ALDH5A1: variants seen among roughly 807,000 people sequenced by gnomAD.
The protein encoded by ALDH5A1 is aldehyde dehydrogenase 5 family member A1.
A neutral mutation model predicts 54.7 loss-of-function variants in ALDH5A1; 33 were observed. The observed-to-expected ratio is 0.60, with a 90% CI of 0.46 to 0.81. ALDH5A1 has a LOEUF of 0.81. Among genes scored for constraint, ALDH5A1 ranks in the 30% least tolerant of loss-of-function variants. The pLI is 0.00. For missense variants in ALDH5A1, 657 were observed against 711.0 expected, an observed-to-expected ratio of 0.92 and a Z score of 0.86; for synonymous variants, 294 against 292.7, an observed-to-expected ratio of 1.00 and a Z score of -0.05.
At chr6:24,530,288 G>A (rs554937197) in intron 8 of ALDH5A1, among the ~76,000 whole-genome samples, 62 of 151,858 alleles carry the variant, frequency 4.1e-4, no homozygotes, top group African/African-American at 1.5e-3. Flanking sequence ...GATATCTCCA[G>A]TGGGTTCTTC....
intron 7 of ALDH5A1, 52 bp downstream of exon 7, chr6:24,522,977 A>G: frequency 6.3e-7 from 1 of 1,575,284 alleles, no homozygotes; most frequent in Non-Finnish European, 8.6e-7. Context: ...TCAATATGAA[A>G]AGCTTAATCA....
chr6:24,522,478 CGTGTGTGT>C (rs5874989), intron 6 of ALDH5A1, among the ~76,000 whole-genome samples: 5 of 134,610 alleles, frequency 3.7e-5, no homozygotes, highest in South Asian at 2.6e-4. Flanking sequence ...TCTTTTCTTT[CGTGTGTGT>C]GTGTGTGTGT....
At chr6:24,523,001 T>C in intron 7 of ALDH5A1, 76 bp downstream of exon 7, 1 of 690,388 alleles carries the variant, frequency 1.4e-6, no homozygotes, top group South Asian at 1.6e-5. Flanking sequence ...AAAAACACTT[T>C]GGCTGGAGGG....
chr6:24,504,378 A>C (rs1411845931), intron 3 of ALDH5A1, among the ~76,000 whole-genome samples: 1 of 152,240 alleles, frequency 6.6e-6, no homozygotes, highest in East Asian at 1.9e-4. Context: ...AGGAATAATA[A>C]ATCATCTGCC....
chr6:24,507,152 T>C lies in ALDH5A1; in HGVS notation c.726+2167T>C, dbSNP rs1007354038. ...AGTTGAACAAGCAGTTGTATGTTTA[T>C]GCTTACCACCAGTGCTTATGTTAAT... On this transcript the variant is annotated intron_variant, in intron 4 of 9. Transcript: ENST00000357578. Among the ~76,000 whole-genome samples, 4 of 152,240 alleles carry C rather than the reference T, an allele frequency of 2.6e-5. No homozygotes were observed. In the East Asian group the frequency reaches 7.7e-4, roughly 29 times the overall value.
chr6:24,505,915 C>T (rs1192113742), intron 4 of ALDH5A1, among the ~76,000 whole-genome samples: 1 of 145,570 alleles, frequency 6.9e-6, no homozygotes, highest in Non-Finnish European at 1.5e-5. Context: ...TTGCAGTGAG[C>T]CGAGATGGTG....
chr6:24,499,415 C>T (rs186828881), intron 1 of ALDH5A1, among the ~76,000 whole-genome samples: 36 of 152,120 alleles, frequency 2.4e-4, no homozygotes, highest in African/African-American at 8.7e-4. Flanking sequence ...ATTCTCTAGG[C>T]CTTCCTCATT....
At chr6:24,513,714 T>C (rs978304582) in intron 4 of ALDH5A1, among the ~76,000 whole-genome samples, 2 of 144,254 alleles carry the variant, frequency 1.4e-5, no homozygotes, top group South Asian at 2.7e-4. Context: ...CTACTATTGA[T>C]AGGGCAAGGC....
chr6:24,498,901 C>T (rs186412032), intron 1 of ALDH5A1, among the ~76,000 whole-genome samples: 27 of 152,144 alleles, frequency 1.8e-4, no homozygotes, highest in African/African-American at 3.9e-4. Flanking sequence ...GAGTTCAAGT[C>T]CAGCCTGGCC....
Position 24,502,451 on chromosome 6 carries a change from T to C in ALDH5A1, c.355-72T>C, listed in dbSNP as rs112207648. 8,525 of 1,158,684 alleles carry C rather than the reference T, an allele frequency of 7.4e-3. 143 individuals are homozygous for C. The highest frequency in any genetic ancestry group is 0.06 in the African/African-American group (3,952 of 65,978). The allele number at this position is 1,158,684 out of a possible 1,614,324, so 71.8% of individuals were successfully genotyped here. On this transcript the variant is annotated intron_variant, in intron 1 of 9. Coordinates refer to ENST00000357578, the MANE Select transcript of ALDH5A1 (RefSeq NM_001080.3). ...ACCATACAGCTAATATTTTAGGATA[T>C]TGAATTTTATTTAGCATTCTGTCTT...
chr6:24,527,740 G>A lies in ALDH5A1; in HGVS notation c.1174-257G>A, dbSNP rs114333563. Among the ~76,000 whole-genome samples the A allele has an allele frequency of 7.0e-3, 1,070 of 152,268 alleles. 19 individuals carry two copies. Among genetic ancestry groups the A allele is most frequent in the African/African-American group, 0.023 (960 of 41,552 alleles). On this transcript the variant is annotated intron_variant, in intron 7 of 9. Coordinates refer to ENST00000357578, the MANE Select transcript of ALDH5A1 (RefSeq NM_001080.3). ...CTGAGCCGCAGGCCTAGAAAGAAGC[G>A]AATATATATTAGACCATTCAACAAA...
intron 2 of ALDH5A1, among the ~76,000 whole-genome samples, chr6:24,502,849 G>A (rs779103458): frequency 6.6e-6 from 1 of 151,198 alleles, no homozygotes; most frequent in Non-Finnish European, 1.5e-5. Flanking sequence ...GCAACTATAT[G>A]AATAACTGCT....
At position 24,509,389 on chromosome 6, in the gene ALDH5A1, C is replaced by G. The variant is rs142361615; in HGVS notation, c.726+4404C>G. 5.5e-4 allele frequency among the ~76,000 whole-genome samples: 83 copies of G among 152,264 alleles called. No individual in the cohort carries two copies. Among genetic ancestry groups the G allele is most frequent in the African/African-American group, 2.0e-3 (83 of 41,566 alleles). ...GAGGGAGGATTCCCTCTTTCTCTAT[C>G]TTGTGGAATAGTGTCAATAGGATTG... On this transcript the variant is annotated intron_variant, in intron 4 of 9. Coordinates refer to ENST00000357578, the MANE Select transcript of ALDH5A1 (RefSeq NM_001080.3). The surrounding 1 kb of genome is among the most constrained non-coding windows in gnomAD (Gnocchi z 4.7).
chr6:24,495,261 A>G lies in ALDH5A1; in HGVS notation c.265A>G (p.Met89Val). 3 of 1,530,714 alleles carry G rather than the reference A, an allele frequency of 2.0e-6. No homozygotes were observed. The highest frequency in any genetic ancestry group is 2.6e-6 in the Non-Finnish European group (3 of 1,145,212). 94.8% of individuals were successfully genotyped at this position (1,530,714 alleles called of 1,614,324 possible). The change falls in exon 1 of 10, where the codon ATG becomes GTG. Residue 89 changes from methionine (M) to valine (V), a missense_variant. Physicochemically the swap from Met to Val is conservative, Grantham distance 21. This residue lies in a region of ALDH5A1 where 232 missense variants were observed against 194.6 expected (regional missense o/e 1.19). Transcript: ENST00000357578. Reference sequence around the variant, plus strand: ...CCCGGCCAGCGGCGCCGCTCTGGGCATGGTAGCCGACTGCGGGGTGCGAGA... The same window carrying G: ...CCCGGCCAGCGGCGCCGCTCTGGGCGTGGTAGCCGACTGCGGGGTGCGAGA... ...QDPASGAALG[M>V]VADCGVREAR...
Position 24,503,256 on chromosome 6 carries a change from A to C in ALDH5A1, c.439-7A>C. 2 of 1,613,480 alleles carry C rather than the reference A, an allele frequency of 1.2e-6. No homozygotes were observed. Among genetic ancestry groups the C allele is most frequent in the Non-Finnish European group, 1.7e-6 (2 of 1,179,970 alleles). On this transcript the variant is annotated splice_region_variant and splice_polypyrimidine_tract_variant and intron_variant, in intron 2 of 9. Coordinates refer to ENST00000357578, the MANE Select transcript of ALDH5A1 (RefSeq NM_001080.3). ...TAATACGTGGGTTCTTTTCTGATTTAATTTAGGGAAAGCCACTGAAGGAGG... is the reference window on the plus strand; with the variant it reads ...TAATACGTGGGTTCTTTTCTGATTTCATTTAGGGAAAGCCACTGAAGGAGG...
intron 7 of ALDH5A1, among the ~76,000 whole-genome samples, chr6:24,523,248 T>A (rs1302671097): frequency 6.8e-6 from 1 of 146,064 alleles, no homozygotes; most frequent in African/African-American, 2.5e-5. Flanking sequence ...GAGATCTACA[T>A]CTATACATGG....
intron 8 of ALDH5A1, 146 bp downstream of exon 8, chr6:24,528,312 G>C (rs376608341): frequency 2.3e-6 from 2 of 852,718 alleles, no homozygotes. Flanking sequence ...TGCAATTTAT[G>C]GGTTTTTAAA....
chr6:24,533,707 T>A lies in ALDH5A1; in HGVS notation c.1603T>A (p.Leu535Met), dbSNP rs140568460. Residue 535 changes from leucine (L) to methionine (M), a missense_variant, in exon 10 of 10, where the codon TTG becomes ATG. Coordinates refer to ENST00000357578, the MANE Select transcript of ALDH5A1 (RefSeq NM_001080.3). ...LELKYVCYGG[L>M] ...ACTCAAGTATGTGTGTTACGGGGGC[T>A]TGTAGGATTCTTTGGTTCTTTAAAA... is the stretch of plus-strand genomic sequence containing the variant. The A allele has an allele frequency of 1.1e-5, 18 of 1,613,960 alleles. No homozygotes were observed. Among genetic ancestry groups the A allele is most frequent in the Non-Finnish European group, 1.4e-5 (17 of 1,179,976 alleles).
rs1360394798 is a variant in ALDH5A1 at position 24,535,126 on chromosome 6, A to G, written c.*1414A>G. ...CCCCATCTCTGTCTGTGTAGACTCC[A>G]CTTACATCTTGTGGTTATTCTGGGT... On this transcript the variant is annotated 3_prime_UTR_variant, in exon 10 of 10. Coordinates refer to ENST00000357578, the MANE Select transcript of ALDH5A1 (RefSeq NM_001080.3). 1.3e-5 allele frequency: 2 copies of G among 152,062 alleles called. No individual in the cohort carries two copies. Among genetic ancestry groups the G allele is most frequent in the East Asian group, 3.9e-4 (2 of 5,176 alleles). 9.4% of individuals were successfully genotyped at this position (152,062 alleles called of 1,614,324 possible).
Sources: allele counts gnomAD v4.1 joint callset (sites outside exome capture counted in the v4.1 genomes callset), GRCh38; gene constraint gnomAD v4.1.1; regional missense constraint gnomAD v4.1.1; non-coding constraint Gnocchi (gnomAD v3.1); transcripts MANE v1.5; gene names NCBI Gene and HGNC (gene_info 2026-07-23, HGNC 2026-07-21).